AMPD3: variants seen among roughly 807,000 people sequenced by gnomAD.
AMPD3 encodes AMP deaminase 3.
AMPD3 carries 57 observed loss-of-function variants against 82.3 expected under a neutral mutation model. That is an observed-to-expected ratio of 0.69 (90% confidence interval 0.56 to 0.86). AMPD3 has a LOEUF of 0.86. Ranked by LOEUF, AMPD3 falls within the 40% of genes least tolerant of loss-of-function variation. AMPD3 has a pLI of 0.00. For missense variants in AMPD3, 870 were observed against 1,003.8 expected (o/e 0.87, Z 1.80); for synonymous variants, 381 against 394.7 (o/e 0.97, Z 0.41).
rs775027657 is a variant in AMPD3 at position 10,478,731 on chromosome 11, G to A, written c.426+1G>A. On this transcript the variant is annotated splice_donor_variant, in intron 3 of 14. Transcript: ENST00000396553. LOFTEE classifies it high-confidence loss of function. ...CATCAGCGGAGATTACTGTGCCGGG[G>A]TAAGGCGTCTGTGAGAGTGTTGAAT... is the stretch of plus-strand genomic sequence containing the variant. The A allele has an allele frequency of 1.9e-6, 3 of 1,611,260 alleles. No homozygotes were observed. Among genetic ancestry groups the A allele is most frequent in the Middle Eastern group, 1.7e-4 (1 of 6,050 alleles).
At chr11:10,496,458 T>C in intron 9 of AMPD3, 1 of 985,388 alleles carries the variant, frequency 1.0e-6, no homozygotes, top group Non-Finnish European at 1.2e-6. Context: ...CTGGGGTATG[T>C]GGTTTAGGGA....
In AMPD3 at chr11:10,505,847, C is replaced by T; in HGVS notation, c.2267C>T (p.Ala756Val). 1.9e-6 allele frequency: 3 copies of T among 1,614,160 alleles called. No homozygotes were observed. The highest frequency in any genetic ancestry group is 2.5e-6 in the Non-Finnish European group (3 of 1,180,024). ...AATGAGCTCAGCTTCCTGTCTGATG[C>T]TATGAAATCAGAAGAGATCACCGCC... ...LCNELSFLSD[A>V]MKSEEITALT... Residue 756 changes from alanine to valine, a missense_variant, in exon 15 of 15, where the codon GCT (alanine) becomes GTT (valine). Transcript: ENST00000396553.
At position 10,456,798 on chromosome 11, in the gene AMPD3, G is replaced by A. The variant is rs1351963185; in HGVS notation, c.-6+1350G>A. Among the ~76,000 whole-genome samples the A allele has an allele frequency of 6.6e-6, 1 of 152,178 alleles. No homozygotes were observed. Among genetic ancestry groups the A allele is most frequent in the Non-Finnish European group, 1.5e-5 (1 of 68,034 alleles). ...GCCTGGCCTGGCAGGTGTCTGGAGGGTCTGAGAGGAGAGACACTCTGGAGG... is the reference window on the plus strand; with the variant it reads ...GCCTGGCCTGGCAGGTGTCTGGAGGATCTGAGAGGAGAGACACTCTGGAGG... On this transcript the variant is annotated intron_variant, in intron 1 of 14. Transcript: ENST00000396553. The surrounding 1 kb of genome is among the most constrained non-coding windows in gnomAD (Gnocchi z 4.3).
chr11:10,490,963 G>A (rs1239163764), intron 6 of AMPD3, among the ~76,000 whole-genome samples: 3 of 152,220 alleles, frequency 2.0e-5, no homozygotes, highest in Non-Finnish European at 4.4e-5. Flanking sequence ...TTAATGGCAG[G>A]AAGGATGCTG....
chr11:10,465,761 T>C (rs961080682), intron 2 of AMPD3, among the ~76,000 whole-genome samples: 1 of 151,532 alleles, frequency 6.6e-6, no homozygotes, highest in African/African-American at 2.4e-5. Context: ...ACCAGGGCCC[T>C]GGGTTTCAAG....
At chr11:10,474,376 G>A (rs1330599916) in intron 2 of AMPD3, among the ~76,000 whole-genome samples, 1 of 152,210 alleles carries the variant, frequency 6.6e-6, no homozygotes, top group Non-Finnish European at 1.5e-5. Context: ...GCTTCAGATG[G>A]CCCCTGGTAA....
At chr11:10,503,712 C>A (rs193296566) in intron 13 of AMPD3, among the ~76,000 whole-genome samples, 1 of 152,218 alleles carries the variant, frequency 6.6e-6, no homozygotes, top group East Asian at 1.9e-4. Flanking sequence ...GTTTCCCCTG[C>A]CTTTGTTTTG....
rs535347698 is a variant in AMPD3, at chr11:10,470,930, T to C, written c.222-7596T>C. The stretch of plus-strand genomic sequence containing the variant: ...CAGTGCTATCCCCATCAAGCTACCA[T>C]TGACTTTCTTCACAGAATTAGAAAA... On this transcript the variant is annotated intron_variant, in intron 2 of 14. Transcript: ENST00000396553. Among the ~76,000 whole-genome samples, 34 of 152,318 alleles carry C rather than the reference T, an allele frequency of 2.2e-4. No homozygotes were observed. In the East Asian group the frequency reaches 3.5e-3, roughly 16 times the overall value.
chr11:10,488,122 C>G (rs976180493), intron 6 of AMPD3: 1 of 741,786 alleles, frequency 1.3e-6, no homozygotes, highest in Admixed American at 6.3e-5. Context: ...CTCTCTTCTC[C>G]CACCAAGGGG....
rs773042667 is a variant in AMPD3, at chr11:10,505,864, A to G, written c.2284A>G (p.Ile762Val). 1 of 1,613,964 alleles carries G rather than the reference A, an allele frequency of 6.2e-7. No individual in the cohort carries two copies. Among genetic ancestry groups the G allele is most frequent in the East Asian group, 2.2e-5 (1 of 44,884 alleles). Residue 762 changes from isoleucine to valine, a missense_variant, in exon 15 of 15, where the codon ATC becomes GTC. Ile to Val is a conservative substitution (Grantham distance 29, BLOSUM62 3). Coordinates refer to ENST00000396553, the MANE Select transcript of AMPD3 (RefSeq NM_001025389.2). Reference protein sequence around the residue: ...FLSDAMKSEEITALTN With the variant: ...FLSDAMKSEEVTALTN Reference sequence around the variant, plus strand: ...GTCTGATGCTATGAAATCAGAAGAGATCACCGCCTTGACCAACTAGGTCCA... The same window carrying G: ...GTCTGATGCTATGAAATCAGAAGAGGTCACCGCCTTGACCAACTAGGTCCA...
chr11:10,492,084 C>T (rs2133915681), intron 6 of AMPD3, among the ~76,000 whole-genome samples: 1 of 152,226 alleles, frequency 6.6e-6, no homozygotes. Flanking sequence ...AAGGAGAGGA[C>T]AGAGATGCAA....
intron 7 of AMPD3, 48 bp from the exon 8 acceptor site, chr11:10,494,851 A>T (rs1564853810): frequency 6.3e-7 from 1 of 1,594,610 alleles, no homozygotes; most frequent in East Asian, 2.2e-5. Context: ...GGGAACGTGC[A>T]TGGTGGCTGC....
upstream of AMPD3, chr11:10,450,854 G>C: frequency 1.7e-6 from 2 of 1,203,308 alleles, no homozygotes; most frequent in Non-Finnish European, 2.1e-6. Context: ...TCCTGGCCGG[G>C]GATCCGCAGC....
At chr11:10,457,827 C>T (rs7124144) in intron 1 of AMPD3, among the ~76,000 whole-genome samples, 26,416 of 152,018 alleles carry the variant, frequency 0.17, 2,511 homozygotes, top group Admixed American at 0.29. Flanking sequence ...CCTGTGAGGT[C>T]GAGGCTGCAG....
At chr11:10,460,057 AATATATATT>A (rs1352580021) in intron 1 of AMPD3, among the ~76,000 whole-genome samples, 102 of 106,650 alleles carry the variant, frequency 9.6e-4, no homozygotes, top group Middle Eastern at 4.3e-3. Context: ...TATTATATAT[AATATATATT>A]ATATATAATA....
chr11:10,463,016 C>A (rs1175974262), intron 2 of AMPD3, among the ~76,000 whole-genome samples: 5 of 152,126 alleles, frequency 3.3e-5, no homozygotes, highest in Admixed American at 6.6e-5. Flanking sequence ...GGATTGGAGT[C>A]TAAGTGAAAT....
chr11:10,489,921 T>C (rs1849193193), intron 6 of AMPD3, among the ~76,000 whole-genome samples: 1 of 152,174 alleles, frequency 6.6e-6, no homozygotes. Context: ...CCTCAGGTGA[T>C]CTGCCTGCCT....
rs77695302 is a variant in AMPD3 at position 10,484,647 on chromosome 11, A to G, written c.590-173A>G. 81 of 662,438 alleles carry G rather than the reference A, an allele frequency of 1.2e-4. No homozygotes were observed. The East Asian group carries it at 9.5e-3, about 78-fold the overall frequency. 41.0% of individuals were successfully genotyped at this position (662,438 alleles called of 1,614,324 possible). A position where few individuals can be genotyped will look rare whatever the true frequency, so the allele number is the denominator to read the frequency against. ...AGATAAAGAAGTGACATGGTTTGAC[A>G]TGGTGGTAAGTGCTGACGAGACAAA... On this transcript the variant is annotated intron_variant, in intron 4 of 14. Coordinates refer to ENST00000396553, the MANE Select transcript of AMPD3 (RefSeq NM_001025389.2).
At chr11:10,501,832 T>C (rs972375724) in intron 12 of AMPD3, 4 of 981,842 alleles carry the variant, frequency 4.1e-6, no homozygotes, top group Non-Finnish European at 4.8e-6. Flanking sequence ...GAAATAGCCA[T>C]TATTAGCTTT....
Sources: allele counts gnomAD v4.1 joint callset (sites outside exome capture counted in the v4.1 genomes callset), GRCh38; gene constraint gnomAD v4.1.1; non-coding constraint Gnocchi (gnomAD v3.1); transcripts MANE v1.5; gene names NCBI Gene and HGNC (gene_info 2026-07-23, HGNC 2026-07-21).